NRCAM: variants seen among roughly 807,000 people sequenced by gnomAD.
The protein encoded by NRCAM is NgCAM-related cell adhesion molecule.
In NRCAM, 83 loss-of-function variants were observed where a neutral mutation model predicts 156.5. The ratio of observed to expected loss-of-function variants is 0.53; its 90% CI spans 0.44 to 0.64. The LOEUF (loss-of-function observed/expected upper bound fraction) is 0.64, where lower values mean the gene tolerates loss of function less well. Among genes scored for constraint, NRCAM ranks in the 30% least tolerant of loss-of-function variants. The pLI is 0.00. For synonymous variants in NRCAM, 538 were observed against 563.9 expected, an observed-to-expected ratio of 0.95 and a Z score of 0.65; for missense variants, 1,417 against 1,597.3, an observed-to-expected ratio of 0.89 and a Z score of 1.92.
At chr7:108,279,993 C>T (rs1202981733) in intron 3 of NRCAM, among the ~76,000 whole-genome samples, 2 of 152,302 alleles carry the variant, frequency 1.3e-5, no homozygotes, top group African/African-American at 4.8e-5. Context: ...CCCACATGTT[C>T]AGCTGCACAC....
chr7:108,273,696 T>A (rs1441900915), intron 3 of NRCAM, among the ~76,000 whole-genome samples: 1 of 152,242 alleles, frequency 6.6e-6, no homozygotes, highest in East Asian at 1.9e-4. Context: ...GTAGGTTGCC[T>A]GTTCACTCTG....
chr7:108,221,230 A>C (rs572320370), intron 11 of NRCAM, among the ~76,000 whole-genome samples: 6 of 152,290 alleles, frequency 3.9e-5, no homozygotes, highest in African/African-American at 1.4e-4. Context: ...TTATCAGGGA[A>C]CACTTCTACA....
At chr7:108,305,465 A>G (rs1436168776) in intron 3 of NRCAM, among the ~76,000 whole-genome samples, 1 of 152,180 alleles carries the variant, frequency 6.6e-6, no homozygotes, top group Non-Finnish European at 1.5e-5. Context: ...CATTTAGGAA[A>G]CTACATTAAC....
At chr7:108,411,036 G>A (rs1299495609) in intron 1 of NRCAM, among the ~76,000 whole-genome samples, 1 of 151,912 alleles carries the variant, frequency 6.6e-6, no homozygotes, top group Non-Finnish European at 1.5e-5. Context: ...ACAATGAATT[G>A]ATTATATTCT....
chr7:108,257,248 C>A (rs1203783817), intron 3 of NRCAM, among the ~76,000 whole-genome samples: 1 of 152,088 alleles, frequency 6.6e-6, no homozygotes, highest in Non-Finnish European at 1.5e-5. Flanking sequence ...AGTCGACAGT[C>A]ATGTTCTGTA....
chr7:108,358,740 T>C (rs2099526447), intron 2 of NRCAM, among the ~76,000 whole-genome samples: 1 of 152,214 alleles, frequency 6.6e-6, no homozygotes, highest in Non-Finnish European at 1.5e-5. Flanking sequence ...GGGAGTTTGT[T>C]TACCCTATTA....
In NRCAM at chr7:108,166,915, C is replaced by T; in HGVS notation, c.3466+6G>A. The T allele has an allele frequency of 1.2e-6, 2 of 1,613,422 alleles. No homozygotes were observed. The highest frequency in any genetic ancestry group is 1.7e-6 in the Non-Finnish European group (2 of 1,179,672). ...GGAGCCAGAACAGGTGTGGTGTGAG[C>T]CTCACCTGGGCCTGTCTCAAACACA... On this transcript the variant is annotated splice_donor_region_variant and intron_variant, in intron 30 of 32. Transcript: ENST00000379028.
chr7:108,350,714 G>T lies in NRCAM; in HGVS notation c.-173-37983C>A, dbSNP rs373601488. Among the ~76,000 whole-genome samples the T allele has an allele frequency of 2.6e-3, 392 of 152,212 alleles. 3 individuals carry two copies. Among genetic ancestry groups the T allele is most frequent in the African/African-American group, 9.1e-3 (380 of 41,546 alleles). ...TGCTCATCTCAGAGTTTGTTTTGGG[G>T]ATAATCCACCTTAACTTATTGTTTT... On this transcript the variant is annotated intron_variant, in intron 2 of 32. Coordinates refer to ENST00000379028, the MANE Select transcript of NRCAM (RefSeq NM_001037132.4).
chr7:108,226,443 A>G lies in NRCAM; in HGVS notation c.551-65T>C, dbSNP rs1223436659. 6 of 1,130,018 alleles carry G rather than the reference A, an allele frequency of 5.3e-6. No homozygotes were observed. The African/African-American group carries it at 7.7e-5, about 15-fold the overall frequency. The allele number at this position is 1,130,018 out of a possible 1,614,324, so 70.0% of individuals were successfully genotyped here. A position where few individuals can be genotyped will look rare whatever the true frequency, so the allele number is the denominator to read the frequency against. ...AAAGTGGCTACCCTCCAAATTAGCA[A>G]GATAAATGTACCTACTAATAGGTCT... On this transcript the variant is annotated intron_variant, in intron 8 of 32. Transcript: ENST00000379028.
chr7:108,191,419 T>C, intron 18 of NRCAM, 136 bp from the exon 19 acceptor site: 1 of 671,676 alleles, frequency 1.5e-6, no homozygotes. Context: ...AGACACAGCA[T>C]TGATAAACAT....
intron 26 of NRCAM, among the ~76,000 whole-genome samples, chr7:108,177,703 A>AAG: frequency 4.7e-5 from 1 of 21,458 alleles, no homozygotes; most frequent in African/African-American, 6.9e-5. Context: ...ATATACACGT[A>AAG]TATATATATA....
At chr7:108,299,915 AAC>A (rs1592323184) in intron 3 of NRCAM, among the ~76,000 whole-genome samples, 1 of 152,176 alleles carries the variant, frequency 6.6e-6, no homozygotes, top group Non-Finnish European at 1.5e-5. Context: ...TGATGTAATT[AAC>A]ACTGTACCTC....
Position 108,194,333 on chromosome 7 carries a change from G to A in NRCAM, c.1559C>T (p.Thr520Ile). ...LEIPVAQKDS[T>I]GTYTCVARNK... is the part of the protein sequence containing the mutation. ...CCTTGCAACACACGTATAAGTTCCT[G>A]TACTGTCCTTTTGGGCCACAGGAAT... The change falls in exon 16 of 33, where the codon ACA (threonine) becomes ATA (isoleucine). Residue 520 changes from threonine to isoleucine, a missense_variant. Physicochemically the swap from Thr to Ile is moderately conservative, Grantham distance 89. Transcript: ENST00000379028. The A allele has an allele frequency of 6.2e-7, 1 of 1,613,676 alleles. No individual in the cohort carries two copies. The highest frequency in any genetic ancestry group is 8.5e-7 in the Non-Finnish European group (1 of 1,179,690).
rs141632061 is a variant in NRCAM, at chr7:108,244,709, C to T, written c.-106-4539G>A. ...AAACTGTGAGAAGCTTTAAGGACCA[C>T]GTTTCTAATTTCCTCCTAGTCCAAA... On this transcript the variant is annotated intron_variant, in intron 3 of 32. Transcript: ENST00000379028. Among the ~76,000 whole-genome samples the T allele has an allele frequency of 3.7e-3, 558 of 152,264 alleles. 7 individuals carry two copies. The highest frequency in any genetic ancestry group is 0.013 in the African/African-American group (532 of 41,552).
chr7:108,332,871 T>C (rs1219896638), intron 2 of NRCAM, among the ~76,000 whole-genome samples: 1 of 151,956 alleles, frequency 6.6e-6, no homozygotes, highest in African/African-American at 2.4e-5. Context: ...AAGAACAGAA[T>C]AGACAATGTA....
intron 1 of NRCAM, among the ~76,000 whole-genome samples, chr7:108,436,229 G>A (rs1193832461): frequency 1.4e-5 from 2 of 141,356 alleles, no homozygotes; most frequent in African/African-American, 2.6e-5. Flanking sequence ...ATGGGCTACA[G>A]AGATTAAAAG....
chr7:108,199,083 A>G (rs944356645), intron 13 of NRCAM, among the ~76,000 whole-genome samples: 7 of 152,216 alleles, frequency 4.6e-5, no homozygotes, highest in Admixed American at 6.5e-5. Context: ...TCAAAACTAA[A>G]TAACAGCACC....
chr7:108,256,185 G>A, intron 3 of NRCAM, among the ~76,000 whole-genome samples: 1 of 152,046 alleles, frequency 6.6e-6, no homozygotes, highest in Non-Finnish European at 1.5e-5. Flanking sequence ...GAATAGAAAA[G>A]GGGGAAATGT....
At chr7:108,417,380 A>T (rs910978335) in intron 1 of NRCAM, among the ~76,000 whole-genome samples, 1 of 152,192 alleles carries the variant, frequency 6.6e-6, no homozygotes, top group Non-Finnish European at 1.5e-5. Flanking sequence ...GCAGAAGGAC[A>T]AGAGAGAGCA....
Sources: gnomAD v4.1 joint callset for allele counts (sites outside exome capture counted in the v4.1 genomes callset) on GRCh38, gnomAD v4.1.1 for gene constraint, MANE v1.5 for transcripts, NCBI Gene and HGNC (gene_info 2026-07-23, HGNC 2026-07-21) for gene names.